The following ADGRG2 variants were observed in gnomAD, a reference collection of about 807,000 sequenced individuals.
ADGRG2 encodes G protein-coupled receptor 64.
ADGRG2 carries 26 observed loss-of-function variants against 74.1 expected under a neutral mutation model. The observed-to-expected ratio is 0.35, with a 90% confidence interval of 0.26 to 0.49. The LOEUF is 0.49. ADGRG2 is among the 20% of genes least tolerant of loss of function. The pLI is 0.99. For missense variants in ADGRG2, 619 were observed against 763.1 expected (o/e 0.81, Z 2.22); for synonymous variants, 296 against 295.2 (o/e 1.00, Z -0.03).
rs201404102 is a variant in ADGRG2, at chrX:19,093,938, C to CACAA, written c.-46-11193_-46-11192insTTGT. Among the ~76,000 whole-genome samples the CACAA allele has an allele frequency of 3.1e-3, 335 of 107,225 alleles. 1 individual carries two copies. Among genetic ancestry groups the CACAA allele is most frequent in the African/African-American group, 0.011 (312 of 27,758 alleles). The allele number at this position is 107,225 out of a possible 115,157, so 93.1% of individuals were successfully genotyped here. On this transcript the variant is annotated intron_variant, in intron 1 of 28. Transcript: ENST00000379869. ...ACACACACACACACACACACACACA[C>CACAA]CCCATGGAATACTACCCAGCCATGA...
intron 1 of ADGRG2, among the ~76,000 whole-genome samples, chrX:19,120,950 T>C (rs919208392): frequency 3.6e-5 from 4 of 112,622 alleles, no homozygotes; most frequent in African/African-American, 1.3e-4. Context: ...GTAGAGCTAA[T>C]GCAAAGCTGT....
At chrX:19,076,541 G>T in intron 2 of ADGRG2, among the ~76,000 whole-genome samples, 1 of 112,061 alleles carries the variant, frequency 8.9e-6, no homozygotes, top group South Asian at 3.7e-4. Context: ...GGCCGAGATG[G>T]GCAGATCACT....
intron 1 of ADGRG2, among the ~76,000 whole-genome samples, chrX:19,114,694 G>A (rs1378895930): frequency 9.0e-6 from 1 of 111,523 alleles, no homozygotes; most frequent in African/African-American, 3.3e-5. Flanking sequence ...TCTTGACATT[G>A]TCAAATGTCC....
intron 26 of ADGRG2, among the ~76,000 whole-genome samples, chrX:18,998,651 C>A (rs112669975): frequency 0.013 from 1,312 of 98,090 alleles, 24 homozygotes; most frequent in African/African-American, 0.048. Context: ...GGCAGCCCTG[C>A]GTCCAGCAAG....
At chrX:19,122,301 G>T (rs1410490003) in intron 1 of ADGRG2, 141 bp downstream of exon 1, 1 of 112,333 alleles carries the variant, frequency 8.9e-6, no homozygotes, top group Non-Finnish European at 1.9e-5. Context: ...GGCGGAAGGC[G>T]CGTTCGTCCC....
chrX:19,108,056 G>A (rs1411689246), intron 1 of ADGRG2, among the ~76,000 whole-genome samples: 2 of 99,766 alleles, frequency 2.0e-5, no homozygotes, highest in Non-Finnish European at 4.0e-5. Context: ...CCGAGATCGC[G>A]CCACTGCACT....
At chrX:19,052,736 C>T (rs952796172) in intron 3 of ADGRG2, among the ~76,000 whole-genome samples, 1 of 108,141 alleles carries the variant, frequency 9.2e-6, no homozygotes, top group Non-Finnish European at 1.9e-5. Flanking sequence ...GTTGCCCTGG[C>T]TGGAGTGCAG....
intron 3 of ADGRG2, among the ~76,000 whole-genome samples, chrX:19,058,094 C>T (rs964551137): frequency 9.0e-6 from 1 of 111,637 alleles, no homozygotes; most frequent in Non-Finnish European, 1.9e-5. Context: ...AGTCCAACCC[C>T]TTCAGTCCAC....
chrX:19,104,319 T>A (rs750700065), intron 1 of ADGRG2, among the ~76,000 whole-genome samples: 7 of 110,801 alleles, frequency 6.3e-5, no homozygotes, highest in Non-Finnish European at 1.3e-4. Context: ...AACTCAGAGA[T>A]ACACCCTCTG....
At chrX:19,041,357 C>T (rs950798744) in intron 3 of ADGRG2, among the ~76,000 whole-genome samples, 25 of 111,873 alleles carry the variant, frequency 2.2e-4, no homozygotes, top group Non-Finnish European at 3.9e-4. Flanking sequence ...CTAGAGAAAA[C>T]TTGGACCAAT....
intron 20 of ADGRG2, 140 bp downstream of exon 20, chrX:19,007,095 G>A (rs1156483958): frequency 3.6e-6 from 2 of 548,059 alleles, no homozygotes; most frequent in Non-Finnish European, 6.1e-6. Context: ...ATGGAGAGAT[G>A]TGATTCTAGT....
intron 2 of ADGRG2, among the ~76,000 whole-genome samples, chrX:19,078,865 T>C (rs2061798690): frequency 9.8e-6 from 1 of 101,692 alleles, no homozygotes; most frequent in Non-Finnish European, 2.0e-5. Flanking sequence ...TCTGGCAAAA[T>C]CAAGAGACAG....
chrX:19,055,486 G>A (rs1160073598), intron 3 of ADGRG2, among the ~76,000 whole-genome samples: 8 of 111,869 alleles, frequency 7.2e-5, no homozygotes, highest in Non-Finnish European at 1.5e-4. Context: ...TAGTACCCCA[G>A]TCAAGTTTCA....
chrX:19,083,521 C>T (rs746287277), intron 1 of ADGRG2, among the ~76,000 whole-genome samples: 32 of 110,687 alleles, frequency 2.9e-4, no homozygotes, highest in Admixed American at 6.8e-4. Context: ...AGGATTGGGG[C>T]ATTTAGGTCT....
chrX:19,014,588 T>C (rs1036024241), intron 15 of ADGRG2, among the ~76,000 whole-genome samples: 2 of 111,446 alleles, frequency 1.8e-5, no homozygotes, highest in African/African-American at 6.5e-5. Context: ...GTCTTCAAGG[T>C]TCCTTTAGCT....
chrX:19,094,757 C>T (rs1007117187), intron 1 of ADGRG2, among the ~76,000 whole-genome samples: 2 of 112,694 alleles, frequency 1.8e-5, no homozygotes, highest in African/African-American at 3.2e-5. Flanking sequence ...CCGGTTCCAC[C>T]GGAAGCGGAG....
At chrX:19,031,191 AGAAAT>A in intron 8 of ADGRG2, 154 bp from the exon 9 acceptor site, 1 of 466,433 alleles carries the variant, frequency 2.1e-6, no homozygotes, top group Non-Finnish European at 3.7e-6. Context: ...CAAAGACTAA[AGAAAT>A]GAGTTTTCAT....
chrX:19,080,168 C>G (rs188780081), intron 2 of ADGRG2, among the ~76,000 whole-genome samples: 2 of 109,902 alleles, frequency 1.8e-5, no homozygotes, highest in African/African-American at 6.6e-5. Flanking sequence ...CCTCGGCCTC[C>G]CAAAGTGCTG....
chrX:19,077,463 G>A (rs1210609820), intron 2 of ADGRG2, among the ~76,000 whole-genome samples: 1 of 101,890 alleles, frequency 9.8e-6, no homozygotes, highest in African/African-American at 3.6e-5. Context: ...GCAGTGAGCC[G>A]AGATTGCGCC....
Sources: allele counts gnomAD v4.1 joint callset (sites outside exome capture counted in the v4.1 genomes callset), GRCh38; gene constraint gnomAD v4.1.1; transcripts MANE v1.5; gene names NCBI Gene and HGNC (gene_info 2026-07-23, HGNC 2026-07-21).